Variants in FBLN1 observed in about 807,000 individuals in gnomAD.
FBLN1 encodes fibulin-1.
Under a neutral mutation model 89.7 loss-of-function variants are expected in FBLN1, and 34 were observed. The observed-to-expected ratio is 0.38, with a 90% CI of 0.29 to 0.50. The LOEUF (loss-of-function observed/expected upper bound fraction) is 0.50. Among genes scored for constraint, FBLN1 ranks in the 20% least tolerant of loss-of-function variants. The pLI is 0.92. For missense variants in FBLN1, 777 were observed against 988.1 expected (o/e 0.79, Z 2.86); for synonymous variants, 393 against 391.3 (o/e 1.00, Z -0.05).
intron 16 of FBLN1, among the ~76,000 whole-genome samples, chr22:45,596,012 G>T (rs1259548156): frequency 6.6e-6 from 1 of 152,148 alleles, no homozygotes; most frequent in Non-Finnish European, 1.5e-5. Flanking sequence ...TGGGACTGCA[G>T]GCGTGTCCCA....
In FBLN1 at chr22:45,557,415, G is replaced by A. The variant is rs561419596; in HGVS notation, c.1697+6800G>A. ...AGCTGGCTGATCACCCCGAGGCATGGTGCCACATCGAGGGCTCAGTGTTGG... is the reference window on the plus strand; with the variant it reads ...AGCTGGCTGATCACCCCGAGGCATGATGCCACATCGAGGGCTCAGTGTTGG... On this transcript the variant is annotated intron_variant, in intron 14 of 16. Transcript: ENST00000327858. This position sits in a 1 kb window ranked among gnomAD's most constrained non-coding sequence, Gnocchi z 4.9. 1.3e-5 allele frequency among the ~76,000 whole-genome samples: 2 copies of A among 152,310 alleles called. No individual in the cohort carries two copies. The highest frequency in any genetic ancestry group is 4.1e-4 in the South Asian group (2 of 4,828).
intron 3 of FBLN1, 131 bp downstream of exon 3, chr22:45,525,809 G>A (rs925467766): frequency 1.2e-5 from 15 of 1,249,994 alleles, no homozygotes; most frequent in Non-Finnish European, 1.7e-5. Flanking sequence ...GCAGCTGGGG[G>A]TTCCTGGGCC....
rs2088997468 is a variant in FBLN1 at position 45,576,391 on chromosome 22, C to G, written c.1841-586C>G. 6.6e-6 allele frequency among the ~76,000 whole-genome samples: 1 copy of G among 152,108 alleles called. No homozygotes were observed. Among genetic ancestry groups the G allele is most frequent in the Non-Finnish European group, 1.5e-5 (1 of 68,018 alleles). Reference sequence around the variant, plus strand: ...CCCTGACCTTAAGTGCTGAAAGGACCTTTAGTGGGTCTCCGCCGGCTTCCT... The same window carrying G: ...CCCTGACCTTAAGTGCTGAAAGGACGTTTAGTGGGTCTCCGCCGGCTTCCT... On this transcript the variant is annotated intron_variant, in intron 15 of 16. Transcript: ENST00000327858. This position sits in a 1 kb window ranked among gnomAD's most constrained non-coding sequence, Gnocchi z 5.2.
intron 16 of FBLN1, among the ~76,000 whole-genome samples, chr22:45,586,518 TGGAA>T (rs1219323182): frequency 6.6e-6 from 1 of 151,134 alleles, no homozygotes; most frequent in Non-Finnish European, 1.5e-5. Flanking sequence ...AGCGGGAGGG[TGGAA>T]GGAAGCCAAA....
At chr22:45,544,132 G>C (rs1026507668) in intron 11 of FBLN1, among the ~76,000 whole-genome samples, 7 of 151,994 alleles carry the variant, frequency 4.6e-5, no homozygotes, top group Non-Finnish European at 1.0e-4. Flanking sequence ...TGTCACCCAG[G>C]CTGGAGTGCA....
At chr22:45,600,101 C>T (rs2089218435) in intron 16 of FBLN1, among the ~76,000 whole-genome samples, 1 of 152,202 alleles carries the variant, frequency 6.6e-6, no homozygotes, top group Non-Finnish European at 1.5e-5. Flanking sequence ...TCACTTTCAC[C>T]AGTCCCTGGA....
intron 4 of FBLN1, among the ~76,000 whole-genome samples, chr22:45,529,816 G>T (rs1004929302): frequency 6.6e-6 from 1 of 152,148 alleles, no homozygotes; most frequent in African/African-American, 2.4e-5. Context: ...GCAGTGAGCC[G>T]AGATGGCGCC....
intron 16 of FBLN1, among the ~76,000 whole-genome samples, chr22:45,589,602 C>A (rs528618672): frequency 1.3e-5 from 2 of 152,148 alleles, no homozygotes; most frequent in Non-Finnish European, 2.9e-5. Flanking sequence ...TCATTCATGG[C>A]GCCTCTCAGG....
At chr22:45,596,544 A>C (rs6007099) in intron 16 of FBLN1, among the ~76,000 whole-genome samples, 44,829 of 150,804 alleles carry the variant, frequency 0.3, 9,838 homozygotes, top group African/African-American at 0.62. Context: ...TAAATATATA[A>C]ATATATCAAC....
intron 14 of FBLN1, chr22:45,564,732 C>T: frequency 1.1e-6 from 1 of 896,848 alleles, no homozygotes; most frequent in Non-Finnish European, 1.8e-6. Flanking sequence ...AGGTCTATCT[C>T]ATTCAGTGCG....
chr22:45,574,610 C>G lies in FBLN1; in HGVS notation c.1797C>G (p.Thr599=), dbSNP rs536349408. 9 of 1,614,098 alleles carry G rather than the reference C, an allele frequency of 5.6e-6. No homozygotes were observed. Among genetic ancestry groups the G allele is most frequent in the Non-Finnish European group, 6.8e-6 (8 of 1,180,014 alleles). Residue 599 remains threonine, a synonymous_variant, in exon 15 of 17, where the codon ACC becomes ACG. Transcript: ENST00000327858. The surrounding 1 kb of genome is among the most constrained non-coding windows in gnomAD (Gnocchi z 4.1). ...VFDPVHTISH[T]VISLPTFREF... is the part of the protein sequence containing the mutation. ...ACCCCGTGCACACCATCTCCCACAC[C>G]GTCATCTCGCTGCCTACCTTCCGCG...
At position 45,576,892 on chromosome 22, in the gene FBLN1, C is replaced by T; in HGVS notation, c.1841-85C>T. 1 of 1,559,344 alleles carries T rather than the reference C, an allele frequency of 6.4e-7. No homozygotes were observed. The highest frequency in any genetic ancestry group is 8.8e-7 in the Non-Finnish European group (1 of 1,141,352). On this transcript the variant is annotated intron_variant, in intron 15 of 16. Coordinates refer to ENST00000327858, the MANE Select transcript of FBLN1 (RefSeq NM_006486.3). The surrounding 1 kb of genome is among the most constrained non-coding windows in gnomAD (Gnocchi z 5.2). ...GGGCCCTGGGTTAGGTCTTCATTCC[C>T]CAAGGGTGAGTTCCTGGGGACGAGG...
chr22:45,526,439 A>G (rs1245565383), intron 3 of FBLN1, among the ~76,000 whole-genome samples: 1 of 152,234 alleles, frequency 6.6e-6, no homozygotes, highest in East Asian at 1.9e-4. Context: ...GCCAGCAAGG[A>G]AAACAAGCCC....
chr22:45,505,304 A>G (rs1602154349), intron 1 of FBLN1, among the ~76,000 whole-genome samples: 1 of 152,202 alleles, frequency 6.6e-6, no homozygotes, highest in Non-Finnish European at 1.5e-5. Flanking sequence ...GAAAGTTGGG[A>G]GGGAGAACAA....
chr22:45,568,506 GCT>G (rs2088919042), intron 14 of FBLN1, among the ~76,000 whole-genome samples: 3 of 143,542 alleles, frequency 2.1e-5, no homozygotes, highest in Admixed American at 6.9e-5. Context: ...GTAGGGGAGT[GCT>G]CCTTCTGTAG....
chr22:45,547,351 C>A, intron 12 of FBLN1, 147 bp downstream of exon 12: 2 of 851,220 alleles, frequency 2.3e-6, no homozygotes, highest in Non-Finnish European at 3.6e-6. Flanking sequence ...CCCTTGGAGG[C>A]AAGCGGGTGG....
chr22:45,546,402 A>C (rs1033589528), intron 11 of FBLN1, among the ~76,000 whole-genome samples: 2 of 152,054 alleles, frequency 1.3e-5, no homozygotes, highest in African/African-American at 4.8e-5. Context: ...TTTTTAGTAG[A>C]GATGGGTTTC....
intron 14 of FBLN1, chr22:45,564,892 C>T (rs1385283701): frequency 6.2e-7 from 1 of 1,613,934 alleles, no homozygotes; most frequent in Non-Finnish European, 8.5e-7. Flanking sequence ...AGGCAGAAAT[C>T]CAAGAAGGGA....
At chr22:45,507,790 A>G (rs2146936492) in intron 1 of FBLN1, among the ~76,000 whole-genome samples, 1 of 152,256 alleles carries the variant, frequency 6.6e-6, no homozygotes, top group East Asian at 1.9e-4. Context: ...GGCCTCCCAA[A>G]GTGTTGGGAT....
Sources: allele counts gnomAD v4.1 joint callset (sites outside exome capture counted in the v4.1 genomes callset), GRCh38; gene constraint gnomAD v4.1.1; non-coding constraint Gnocchi (gnomAD v3.1); transcripts MANE v1.5; gene names NCBI Gene and HGNC (gene_info 2026-07-23, HGNC 2026-07-21).